RBMS1: variants seen among roughly 807,000 people sequenced by gnomAD.
RBMS1 encodes RNA binding motif single stranded interacting protein 1.
In RBMS1, 17 loss-of-function variants were observed where a neutral mutation model predicts 62.3. That is an observed-to-expected ratio of 0.27 (90% confidence interval 0.19 to 0.41). The LOEUF (loss-of-function observed/expected upper bound fraction) is 0.41, where lower values mean the gene tolerates loss of function less well. Ranked by LOEUF, RBMS1 falls within the 10% of genes least tolerant of loss-of-function variation. The pLI is 1.00. For synonymous variants in RBMS1, 172 were observed against 170.0 expected, an observed-to-expected ratio of 1.01 and a Z score of -0.09; for missense variants, 334 against 504.5, an observed-to-expected ratio of 0.66 and a Z score of 3.24.
intron 1 of RBMS1, among the ~76,000 whole-genome samples, chr2:160,461,440 C>G (rs747098023): frequency 2.0e-5 from 3 of 152,222 alleles, no homozygotes; most frequent in Non-Finnish European, 4.4e-5. Flanking sequence ...AAGTTCTTCA[C>G]TTTAATTCCA....
chr2:160,311,751 C>T (rs1012906370), intron 4 of RBMS1, among the ~76,000 whole-genome samples: 1 of 151,686 alleles, frequency 6.6e-6, no homozygotes, highest in South Asian at 2.1e-4. Flanking sequence ...AAAAAGAATA[C>T]TCAAAAGATC....
chr2:160,325,669 C>T (rs755120061), intron 2 of RBMS1, among the ~76,000 whole-genome samples: 4 of 152,042 alleles, frequency 2.6e-5, no homozygotes, highest in East Asian at 1.9e-4. Flanking sequence ...GTATACATTA[C>T]GTCTGTTTAG....
At chr2:160,467,562 C>T (rs1684747162) in intron 1 of RBMS1, among the ~76,000 whole-genome samples, 1 of 152,178 alleles carries the variant, frequency 6.6e-6, no homozygotes, top group South Asian at 2.1e-4. Context: ...CAACCATCTT[C>T]CATACAAAAT....
At chr2:160,408,541 C>G (rs185494293) in intron 1 of RBMS1, 1 of 152,250 alleles carries the variant, frequency 6.6e-6, no homozygotes, top group East Asian at 1.9e-4. Flanking sequence ...TATCAAGGAG[C>G]GAAAATCATT....
chr2:160,300,562 T>G, intron 6 of RBMS1, 89 bp downstream of exon 6: 2 of 1,407,252 alleles, frequency 1.4e-6, no homozygotes, highest in Non-Finnish European at 1.9e-6. Context: ...AAATGAGGGG[T>G]TTTTGTTCTA....
intron 1 of RBMS1, chr2:160,407,420 CGGGG>C (rs1307499870): frequency 1.0e-6 from 1 of 985,848 alleles, no homozygotes; most frequent in African/African-American, 1.7e-5. Context: ...CTTTGTAACG[CGGGG>C]CTCGCCGACC....
intron 1 of RBMS1, among the ~76,000 whole-genome samples, chr2:160,479,972 G>A (rs1460405026): frequency 2.0e-5 from 3 of 151,876 alleles, no homozygotes; most frequent in Non-Finnish European, 4.4e-5. Flanking sequence ...TCAATATAAA[G>A]CATGAAAAAA....
chr2:160,295,800 TTTG>T (rs761552196), intron 6 of RBMS1, among the ~76,000 whole-genome samples: 7 of 152,350 alleles, frequency 4.6e-5, no homozygotes, highest in East Asian at 3.9e-4. Context: ...CTGAAGAGCT[TTTG>T]TTGTTATTAA....
In RBMS1 at chr2:160,273,894, A is replaced by G. The variant is rs1470478428; in HGVS notation, c.*878T>C. 1 of 152,556 alleles carries G rather than the reference A, an allele frequency of 6.6e-6. No individual in the cohort carries two copies. Among genetic ancestry groups the G allele is most frequent in the Non-Finnish European group, 1.5e-5 (1 of 68,038 alleles). 9.5% of individuals were successfully genotyped at this position (152,556 alleles called of 1,614,324 possible). Reference sequence around the variant, plus strand: ...AGCCTTACAAACAATTTACCCTAATAAAAGTTCCCCAGTCAGAAAATGTGT... The same window carrying G: ...AGCCTTACAAACAATTTACCCTAATGAAAGTTCCCCAGTCAGAAAATGTGT... On this transcript the variant is annotated 3_prime_UTR_variant, in exon 14 of 14. Coordinates refer to ENST00000348849, the MANE Select transcript of RBMS1 (RefSeq NM_016836.4).
chr2:160,438,231 G>A (rs1321749186), intron 1 of RBMS1, among the ~76,000 whole-genome samples: 1 of 151,110 alleles, frequency 6.6e-6, no homozygotes, highest in East Asian at 1.9e-4. Context: ...TTATGCAGAC[G>A]AAAGGCAATC....
At chr2:160,467,644 G>T (rs13017450) in intron 1 of RBMS1, among the ~76,000 whole-genome samples, 35,396 of 152,018 alleles carry the variant, frequency 0.23, 4,801 homozygotes, top group Admixed American at 0.39. Context: ...GGATCAGCTG[G>T]ATATATAGCA....
chr2:160,283,201 A>C (rs1040452134), intron 9 of RBMS1: 27 of 152,314 alleles, frequency 1.8e-4, no homozygotes, highest in African/African-American at 5.3e-4. Flanking sequence ...ACAACCTTTC[A>C]TTTGCCTGAG....
At chr2:160,344,159 T>C (rs59189068) in intron 2 of RBMS1, among the ~76,000 whole-genome samples, 14,689 of 152,140 alleles carry the variant, frequency 0.097, 954 homozygotes, top group East Asian at 0.26. Flanking sequence ...AAAGTCAAGA[T>C]GAAATCGGTA....
intron 1 of RBMS1, chr2:160,402,171 T>G (rs1695463087): frequency 6.6e-6 from 1 of 152,104 alleles, no homozygotes; most frequent in Non-Finnish European, 1.5e-5. Context: ...CACTATTATC[T>G]TTACTTAGCA....
chr2:160,351,150 G>C (rs951682168), intron 2 of RBMS1, among the ~76,000 whole-genome samples: 4 of 150,454 alleles, frequency 2.7e-5, no homozygotes, highest in African/African-American at 9.8e-5. Flanking sequence ...CACAGGAAGG[G>C]GAACACCACA....
At chr2:160,324,919 C>T (rs867275362) in intron 2 of RBMS1, among the ~76,000 whole-genome samples, 130 of 127,084 alleles carry the variant, frequency 1.0e-3, no homozygotes, top group Non-Finnish European at 1.6e-3. Context: ...CACACACACA[C>T]ACACACACAC....
Position 160,277,318 on chromosome 2 carries a change from T to C in RBMS1, c.1128A>G (p.Thr376=), listed in dbSNP as rs772069603. 25 of 1,612,154 alleles carry C rather than the reference T, an allele frequency of 1.6e-5. No individual in the cohort carries two copies. Among genetic ancestry groups the C allele is most frequent in the African/African-American group, 2.7e-5 (2 of 74,882 alleles). The part of the protein sequence containing the change: ...YLPQYAHMQT[T]AVPVEEASGQ... ...CTCTACCAACCTCAACAGGAACCGC[T>C]GTCGTCTGCATATGTGCATACTGTG... Residue 376 remains threonine (T), a synonymous_variant, in exon 12 of 14, where the codon ACA becomes ACG. Coordinates refer to ENST00000348849, the MANE Select transcript of RBMS1 (RefSeq NM_016836.4).
At chr2:160,469,307 G>C (rs1439152261) in intron 1 of RBMS1, among the ~76,000 whole-genome samples, 1 of 152,102 alleles carries the variant, frequency 6.6e-6, no homozygotes, top group Non-Finnish European at 1.5e-5. Flanking sequence ...CCAGCGTCCT[G>C]TCCTCTTTGT....
chr2:160,445,108 T>G (rs1326511584), intron 1 of RBMS1, among the ~76,000 whole-genome samples: 2 of 152,178 alleles, frequency 1.3e-5, no homozygotes, highest in Non-Finnish European at 2.9e-5. Flanking sequence ...CACCTATAAT[T>G]TCTTCTCATA....
Sources: gnomAD v4.1 joint callset for allele counts (sites outside exome capture counted in the v4.1 genomes callset) on GRCh38, gnomAD v4.1.1 for gene constraint, MANE v1.5 for transcripts, NCBI Gene and HGNC (gene_info 2026-07-23, HGNC 2026-07-21) for gene names.